Variants in ZC3H12B observed in about 807,000 individuals in gnomAD.
ZC3H12B encodes zinc finger CCCH-type containing 12B, also known as probable ribonuclease ZC3H12B.
A neutral mutation model predicts 43.9 loss-of-function variants in ZC3H12B; 7 were observed. The ratio of observed to expected loss-of-function variants is 0.16; its 90% CI spans 0.09 to 0.30. ZC3H12B has a LOEUF of 0.30. Among genes scored for constraint, ZC3H12B ranks in the 10% least tolerant of loss-of-function variants. The pLI, the probability that ZC3H12B is intolerant of heterozygous loss-of-function variation, is 1.00. For synonymous variants in ZC3H12B, 222 were observed against 241.7 expected, an observed-to-expected ratio of 0.92 and a Z score of 0.76; for missense variants, 475 against 670.2, an observed-to-expected ratio of 0.71 and a Z score of 3.22.
chrX:65,337,341 G>A, the ZC3H12B span, among the ~76,000 whole-genome samples: 1 of 112,066 alleles, frequency 8.9e-6, no homozygotes, highest in African/African-American at 3.2e-5. Flanking sequence ...AAGAATTTTA[G>A]GTGAATCCAT....
chrX:65,458,097 AAAAAG>A (rs1398518077), intron 3 of ZC3H12B, among the ~76,000 whole-genome samples: 1 of 102,399 alleles, frequency 9.8e-6, no homozygotes, highest in Admixed American at 1.1e-4. Context: ...AAAAAAAAAA[AAAAAG>A]AGACAAAGAA....
the ZC3H12B span, among the ~76,000 whole-genome samples, chrX:65,073,606 G>T: frequency 8.9e-6 from 1 of 112,087 alleles, no homozygotes; most frequent in African/African-American, 3.2e-5. Flanking sequence ...CTAGGAAGAT[G>T]GCCATCCATG....
chrX:65,213,909 A>T, the ZC3H12B span, among the ~76,000 whole-genome samples: 66 of 101,980 alleles, frequency 6.5e-4, no homozygotes, highest in African/African-American at 2.7e-3. Context: ...ACATATATAT[A>T]CACACACACA....
intron 2 of ZC3H12B, among the ~76,000 whole-genome samples, chrX:65,379,626 A>G (rs1427575934): frequency 1.8e-5 from 2 of 112,780 alleles, no homozygotes; most frequent in Non-Finnish European, 3.7e-5. Context: ...TGAAGAGCTG[A>G]GAGAAGAAGG....
chrX:65,126,935 C>T, the ZC3H12B span, among the ~76,000 whole-genome samples: 1 of 110,259 alleles, frequency 9.1e-6, no homozygotes, highest in African/African-American at 3.3e-5. Context: ...TTAAGTTGGA[C>T]TTCACCTTTT....
the ZC3H12B span, among the ~76,000 whole-genome samples, chrX:65,302,081 A>G: frequency 8.9e-6 from 1 of 111,782 alleles, no homozygotes. Context: ...CTTAATGGGA[A>G]GAAACTAGAA....
chrX:65,330,790 G>A, the ZC3H12B span: 69 of 152,334 alleles, frequency 4.5e-4, no homozygotes, highest in Middle Eastern at 3.0e-3. Flanking sequence ...TTGATGTGTT[G>A]CTGGATTCGG....
chrX:65,103,481 T>C, the ZC3H12B span, among the ~76,000 whole-genome samples: 3 of 111,303 alleles, frequency 2.7e-5, no homozygotes, highest in Admixed American at 2.9e-4. Flanking sequence ...CATCACAGGG[T>C]GCTGAGGCGA....
At chrX:65,068,311 G>T in the ZC3H12B span, among the ~76,000 whole-genome samples, 1 of 109,497 alleles carries the variant, frequency 9.1e-6, no homozygotes, top group African/African-American at 3.3e-5. Flanking sequence ...TCCTGTCTTC[G>T]TTTAGTGAAG....
the ZC3H12B span, among the ~76,000 whole-genome samples, chrX:65,281,027 A>T: frequency 9.0e-6 from 1 of 111,506 alleles, no homozygotes; most frequent in African/African-American, 3.3e-5. Context: ...ATAAAAAAGT[A>T]ATTGCAAAAT....
the ZC3H12B span, among the ~76,000 whole-genome samples, chrX:65,222,300 T>G: frequency 1.8e-5 from 2 of 110,922 alleles, no homozygotes; most frequent in Non-Finnish European, 3.8e-5. Flanking sequence ...AAGACAAGGA[T>G]GTTCACTTTT....
chrX:65,164,074 T>A, the ZC3H12B span, among the ~76,000 whole-genome samples: 11 of 112,184 alleles, frequency 9.8e-5, no homozygotes, highest in Non-Finnish European at 1.5e-4. Context: ...CCACAGGTGT[T>A]GCAACAAAGA....
intron 3 of ZC3H12B, among the ~76,000 whole-genome samples, chrX:65,460,455 A>G (rs896114487): frequency 2.7e-5 from 3 of 111,887 alleles, no homozygotes; most frequent in Non-Finnish European, 5.6e-5. Context: ...CTAACTTCAA[A>G]CTATACTACA....
At chrX:65,045,462 C>A in the ZC3H12B span, among the ~76,000 whole-genome samples, 18 of 112,060 alleles carry the variant, frequency 1.6e-4, no homozygotes, top group Non-Finnish European at 3.0e-4. Context: ...TCTCAAGGAA[C>A]CACTTTTTTT....
intron 1 of ZC3H12B, among the ~76,000 whole-genome samples, chrX:65,367,758 A>T (rs1019689828): frequency 9.0e-6 from 1 of 111,102 alleles, no homozygotes; most frequent in African/African-American, 3.3e-5. Flanking sequence ...ACACACCCTT[A>T]GGAGGTCTTA....
chrX:65,074,067 T>C, the ZC3H12B span, among the ~76,000 whole-genome samples: 6 of 112,141 alleles, frequency 5.4e-5, no homozygotes, highest in African/African-American at 1.3e-4. Context: ...TGTTTACTTT[T>C]AGCAGTGGAG....
the ZC3H12B span, among the ~76,000 whole-genome samples, chrX:65,157,784 T>A: frequency 9.1e-6 from 1 of 109,947 alleles, no homozygotes; most frequent in Non-Finnish European, 1.9e-5. Flanking sequence ...ATTTTATTAT[T>A]ATTATACTTT....
chrX:65,347,662 G>T, the ZC3H12B span, among the ~76,000 whole-genome samples: 1 of 112,502 alleles, frequency 8.9e-6, no homozygotes, highest in Non-Finnish European at 1.9e-5. Flanking sequence ...TTCAACCATT[G>T]TGGAAGTCAG....
At chrX:65,040,881 C>G in the ZC3H12B span, among the ~76,000 whole-genome samples, 1 of 111,050 alleles carries the variant, frequency 9.0e-6, no homozygotes, top group Non-Finnish European at 1.9e-5. Context: ...GCCTCCCTGG[C>G]TCAAGCGATC....
Sources: allele counts gnomAD v4.1 joint callset (sites outside exome capture counted in the v4.1 genomes callset), GRCh38; gene constraint gnomAD v4.1.1; transcripts MANE v1.5; gene names NCBI Gene and HGNC (gene_info 2026-07-23, HGNC 2026-07-21).